The following NEXMIF variants were observed in gnomAD, a reference collection of about 807,000 sequenced individuals.
NEXMIF encodes neurite extension and migration factor.
Under a neutral mutation model 62.1 loss-of-function variants are expected in NEXMIF, and 8 were observed. The ratio of observed to expected loss-of-function variants is 0.13; its 90% CI spans 0.08 to 0.23. The LOEUF (loss-of-function observed/expected upper bound fraction) is 0.23. Ranked by LOEUF, NEXMIF falls within the 10% of genes least tolerant of loss-of-function variation. NEXMIF has a pLI of 1.00. For synonymous variants in NEXMIF, 404 were observed against 416.6 expected (o/e 0.97, Z 0.37); for missense variants, 976 against 1,113.3 (o/e 0.88, Z 1.75).
intron 1 of NEXMIF, among the ~76,000 whole-genome samples, chrX:74,880,810 A>T (rs1182031158): frequency 8.9e-6 from 1 of 112,123 alleles, no homozygotes; most frequent in Non-Finnish European, 1.9e-5. Context: ...CTGCACATCA[A>T]ATGGCTGTAC....
intron 1 of NEXMIF, among the ~76,000 whole-genome samples, chrX:74,854,907 G>A (rs769354518): frequency 8.0e-5 from 9 of 111,849 alleles, no homozygotes; most frequent in Non-Finnish European, 1.7e-4. Flanking sequence ...ACTGATGAAA[G>A]AAATGAAACA....
At chrX:74,773,844 G>A (rs2080219219) in intron 1 of NEXMIF, among the ~76,000 whole-genome samples, 2 of 95,689 alleles carry the variant, frequency 2.1e-5, no homozygotes, top group African/African-American at 7.7e-5. Flanking sequence ...GGGAGGCAGA[G>A]GTTGCAGTGA....
intron 1 of NEXMIF, among the ~76,000 whole-genome samples, chrX:74,810,311 T>G (rs2080356599): frequency 8.9e-6 from 1 of 111,838 alleles, no homozygotes; most frequent in Non-Finnish European, 1.9e-5. Context: ...GGATTTACCA[T>G]AAGTAACATA....
chrX:74,889,903 T>C (rs2080711503), intron 1 of NEXMIF, among the ~76,000 whole-genome samples: 1 of 110,731 alleles, frequency 9.0e-6, no homozygotes, highest in Admixed American at 9.6e-5. Flanking sequence ...GTTTTCTTCT[T>C]TTTGTCTGAT....
At chrX:74,833,846 C>T (rs2080447094) in intron 1 of NEXMIF, among the ~76,000 whole-genome samples, 1 of 111,182 alleles carries the variant, frequency 9.0e-6, no homozygotes, top group African/African-American at 3.3e-5. Context: ...CAAACAAACA[C>T]ACAAAAAGAA....
intron 1 of NEXMIF, among the ~76,000 whole-genome samples, chrX:74,755,459 C>T (rs2080156562): frequency 9.0e-6 from 1 of 111,161 alleles, no homozygotes; most frequent in Admixed American, 9.6e-5. Flanking sequence ...AAAATATTCT[C>T]CTAGCCTTGT....
intron 1 of NEXMIF, among the ~76,000 whole-genome samples, chrX:74,888,033 A>G (rs745563665): frequency 1.8e-5 from 2 of 110,025 alleles, no homozygotes; most frequent in South Asian, 3.9e-4. Flanking sequence ...GCAAACTATC[A>G]CAAGGACAAA....
At chrX:74,841,543 CCTTGT>C (rs2080473892) in intron 1 of NEXMIF, among the ~76,000 whole-genome samples, 1 of 111,761 alleles carries the variant, frequency 8.9e-6, no homozygotes, top group Non-Finnish European at 1.9e-5. Flanking sequence ...GAGAAGCCAT[CCTTGT>C]CTTGTGCTGG....
At chrX:74,827,272 A>G (rs1433882243) in intron 1 of NEXMIF, among the ~76,000 whole-genome samples, 1 of 111,949 alleles carries the variant, frequency 8.9e-6, no homozygotes, top group South Asian at 3.7e-4. Context: ...TAAATCAACA[A>G]GGGAGGTAGG....
chrX:74,847,228 T>C (rs2080494825), intron 1 of NEXMIF, among the ~76,000 whole-genome samples: 2 of 112,239 alleles, frequency 1.8e-5, no homozygotes, highest in African/African-American at 3.2e-5. Flanking sequence ...AGAAGATGAA[T>C]TGAAACCAGA....
At chrX:74,894,418 A>G (rs1348178606) in intron 1 of NEXMIF, among the ~76,000 whole-genome samples, 1 of 112,350 alleles carries the variant, frequency 8.9e-6, no homozygotes, top group Non-Finnish European at 1.9e-5. Context: ...ACTATAAGCA[A>G]CTATTATCAA....
At chrX:74,755,345 C>T (rs964175970) in intron 1 of NEXMIF, among the ~76,000 whole-genome samples, 2 of 111,736 alleles carry the variant, frequency 1.8e-5, no homozygotes, top group Admixed American at 1.9e-4. Flanking sequence ...AAAGCACTTA[C>T]AATCTTAGAG....
intron 1 of NEXMIF, among the ~76,000 whole-genome samples, chrX:74,889,849 T>C: frequency 9.0e-6 from 1 of 111,412 alleles, no homozygotes; most frequent in East Asian, 2.8e-4. Context: ...AATGGTTTGG[T>C]GAATAGCCAT....
At position 74,737,347 on chromosome X, in the gene NEXMIF, G is replaced by C. The variant is rs1233698181; in HGVS notation, c.*2058C>G. On this transcript the variant is annotated 3_prime_UTR_variant, in exon 4 of 4. Transcript: ENST00000055682. ...TATCAGAATAGAGAAATAGAAGAAG[G>C]TTTTCCAGTTTGGTTATTTTCCCTT... 1 of 111,288 alleles carries C rather than the reference G, an allele frequency of 9.0e-6. No individual in the cohort carries two copies. Among genetic ancestry groups the C allele is most frequent in the Non-Finnish European group, 1.9e-5 (1 of 53,007 alleles). 9.2% of individuals were successfully genotyped at this position (111,288 alleles called of 1,213,427 possible).
chrX:74,805,848 TTTG>T (rs1282872415), intron 1 of NEXMIF, among the ~76,000 whole-genome samples: 2 of 112,127 alleles, frequency 1.8e-5, no homozygotes, highest in Admixed American at 1.9e-4. Context: ...TGTGTCTGTT[TTTG>T]TTGTTGTTGT....
intron 1 of NEXMIF, among the ~76,000 whole-genome samples, chrX:74,903,325 TAC>T (rs397897060): frequency 0.12 from 6,086 of 50,821 alleles, 218 homozygotes; most frequent in African/African-American, 0.13. Flanking sequence ...TTCTCAGGCA[TAC>T]ACACACACAC....
chrX:74,802,312 C>T (rs776690893), intron 1 of NEXMIF, among the ~76,000 whole-genome samples: 3 of 111,275 alleles, frequency 2.7e-5, no homozygotes, highest in African/African-American at 6.5e-5. Flanking sequence ...GTGGTGGTCA[C>T]GCGGGGTGCT....
At position 74,762,707 on chromosome X, in the gene NEXMIF, C is replaced by A. The variant is rs762802248; in HGVS notation, c.-47-17010G>T. Reference sequence around the variant, plus strand: ...TGTGGTTTTGATTTGCATTTCTCTGCTGGCCAGTGATGATGAGCATTTTTT... The same window carrying A: ...TGTGGTTTTGATTTGCATTTCTCTGATGGCCAGTGATGATGAGCATTTTTT... On this transcript the variant is annotated intron_variant, in intron 1 of 3. Transcript: ENST00000055682. Among the ~76,000 whole-genome samples the A allele has an allele frequency of 3.3e-3, 374 of 112,036 alleles. 2 individuals carry two copies. The highest frequency in any genetic ancestry group is 0.011 in the African/African-American group (343 of 30,894).
At chrX:74,819,155 C>A (rs1432611184) in intron 1 of NEXMIF, among the ~76,000 whole-genome samples, 1 of 111,871 alleles carries the variant, frequency 8.9e-6, no homozygotes, top group Non-Finnish European at 1.9e-5. Flanking sequence ...AACTGGATCC[C>A]TTCCTTACAC....
Sources: allele counts gnomAD v4.1 joint callset (sites outside exome capture counted in the v4.1 genomes callset), GRCh38; gene constraint gnomAD v4.1.1; transcripts MANE v1.5; gene names NCBI Gene and HGNC (gene_info 2026-07-23, HGNC 2026-07-21).